The following MLXIPL variants were observed in gnomAD, a reference collection of about 807,000 sequenced individuals.
MLXIPL encodes the protein carbohydrate-responsive element-binding protein.
In MLXIPL, 49 loss-of-function variants were observed where a neutral mutation model predicts 81.5. The ratio of observed to expected loss-of-function variants is 0.60; its 90% CI spans 0.48 to 0.76. The LOEUF (loss-of-function observed/expected upper bound fraction) is 0.76, where lower values mean the gene tolerates loss of function less well. MLXIPL is among the 30% of genes least tolerant of loss of function. The pLI is 0.00. For synonymous variants in MLXIPL, 466 were observed against 485.5 expected, an observed-to-expected ratio of 0.96 and a Z score of 0.53; for missense variants, 1,053 against 1,167.0, an observed-to-expected ratio of 0.90 and a Z score of 1.42.
chr7:73,601,323 A>G (rs1794808473), intron 7 of MLXIPL, among the ~76,000 whole-genome samples: 4 of 151,646 alleles, frequency 2.6e-5, no homozygotes, highest in Admixed American at 2.0e-4. Context: ...TCAGCCTCCT[A>G]AAGTGCTGGG....
At chr7:73,614,808 C>CG (rs1563505241) in intron 2 of MLXIPL, among the ~76,000 whole-genome samples, 53 of 130,906 alleles carry the variant, frequency 4.0e-4, no homozygotes, top group South Asian at 1.8e-3. Flanking sequence ...TTTGTTTTGC[C>CG]CTTTTTTTTT....
At chr7:73,638,008 T>C in the MLXIPL span, among the ~76,000 whole-genome samples, 1 of 152,116 alleles carries the variant, frequency 6.6e-6, no homozygotes, top group African/African-American at 2.4e-5. Flanking sequence ...TCTTCCTACC[T>C]CTTTTCCTTT....
In MLXIPL at chr7:73,596,260, G is replaced by A. The variant is rs782419435; in HGVS notation, c.1951C>T (p.Arg651Cys). 18 of 1,613,326 alleles carry A rather than the reference G, an allele frequency of 1.1e-5. No individual in the cohort carries two copies. The highest frequency in any genetic ancestry group is 5.5e-5 in the South Asian group (5 of 91,034). The change falls in exon 13 of 17, where the codon CGT becomes TGT. Residue 651 changes from arginine to cysteine, a missense_variant. By Grantham distance (180) the Arg-to-Cys change is radical. Coordinates refer to ENST00000313375, the MANE Select transcript of MLXIPL (RefSeq NM_032951.3). This position sits in a 1 kb window ranked among gnomAD's most constrained non-coding sequence, Gnocchi z 4.7. ...TGCTCCGCGGAGATGTGTGTGATAC[G>A]CCGGTTCTCGGTCTCGGGGAGCAGA... The part of the protein sequence containing the change: ...RPDSNKTENR[R>C]ITHISAEQKR...
chr7:73,607,255 G>T, intron 4 of MLXIPL, 76 bp downstream of exon 4: 1 of 1,448,942 alleles, frequency 6.9e-7, no homozygotes, highest in South Asian at 1.2e-5. Flanking sequence ...CCCTTTCCAG[G>T]GATCTTCCGA....
intron 1 of MLXIPL, among the ~76,000 whole-genome samples, chr7:73,619,447 A>G (rs1158299880): frequency 1.0e-4 from 14 of 135,570 alleles, no homozygotes; most frequent in Admixed American, 9.6e-4. Context: ...GGCGACAGAG[A>G]GCGACTCCAT....
intron 5 of MLXIPL, 47 bp downstream of exon 5, chr7:73,606,927 G>A (rs1795325728): frequency 6.9e-6 from 11 of 1,600,676 alleles, no homozygotes; most frequent in Non-Finnish European, 9.4e-6. Flanking sequence ...CCATCTACTT[G>A]GGGGGCAAAG....
intron 2 of MLXIPL, 54 bp from the exon 3 acceptor site, chr7:73,607,726 C>A (rs1280521482): frequency 1.3e-6 from 2 of 1,509,886 alleles, no homozygotes; most frequent in Admixed American, 1.7e-5. Context: ...CCCCACCTCA[C>A]CCCAGGGGAC....
intron 7 of MLXIPL, among the ~76,000 whole-genome samples, chr7:73,603,522 G>A (rs1041513323): frequency 6.6e-6 from 1 of 152,190 alleles, no homozygotes; most frequent in Non-Finnish European, 1.5e-5. Context: ...GAACAGGGGT[G>A]GGGGTGGTTC....
chr7:73,597,130 C>T (rs1794393761), intron 9 of MLXIPL, 52 bp downstream of exon 9: 3 of 1,539,268 alleles, frequency 1.9e-6, no homozygotes, highest in Admixed American at 3.8e-5. Flanking sequence ...CTGTCCTCCC[C>T]ACCCCCTGGC....
chr7:73,605,558 T>C, intron 7 of MLXIPL, 130 bp downstream of exon 7: 1 of 812,498 alleles, frequency 1.2e-6, no homozygotes, highest in Non-Finnish European at 2.0e-6. Context: ...AATAAATAAA[T>C]AAATAAAAAG....
At chr7:73,606,403 TTTTG>T (rs1448511003) in intron 5 of MLXIPL, 21 of 503,780 alleles carry the variant, frequency 4.2e-5, no homozygotes, top group African/African-American at 7.9e-5. Flanking sequence ...TGGTTTTTTT[TTTTG>T]TTTGTTTTCT....
intron 7 of MLXIPL, 106 bp from the exon 8 acceptor site, chr7:73,599,801 G>C: frequency 9.0e-7 from 1 of 1,115,252 alleles, no homozygotes; most frequent in Non-Finnish European, 1.3e-6. Context: ...TGGGGACATG[G>C]GGACTGGCGG....
At chr7:73,640,220 C>T in the MLXIPL span, among the ~76,000 whole-genome samples, 1 of 150,698 alleles carries the variant, frequency 6.6e-6, no homozygotes, top group African/African-American at 2.4e-5. Context: ...GCCTGGGCAA[C>T]ATGGCGAAAC....
intron 8 of MLXIPL, 74 bp downstream of exon 8, chr7:73,599,452 C>G: frequency 1.3e-6 from 2 of 1,565,468 alleles, no homozygotes; most frequent in Non-Finnish European, 1.8e-6. Flanking sequence ...TGTCTGATAC[C>G]TCCTGGACAT....
intron 5 of MLXIPL, chr7:73,606,667 C>A: frequency 2.5e-6 from 1 of 395,620 alleles, no homozygotes; most frequent in Non-Finnish European, 4.8e-6. Context: ...CTCAGATGAC[C>A]CACCCGCCTC....
intron 7 of MLXIPL, among the ~76,000 whole-genome samples, chr7:73,603,165 G>A (rs1554596865): frequency 6.6e-6 from 1 of 152,098 alleles, no homozygotes; most frequent in Non-Finnish European, 1.5e-5. Flanking sequence ...CTCCCCAGTG[G>A]GAGGCTCTTG....
rs561301846 is a variant in MLXIPL at position 73,601,620 on chromosome 7, T to A, written c.902-1925A>T. Among the ~76,000 whole-genome samples the A allele has an allele frequency of 6.6e-5, 10 of 152,054 alleles. 1 individual carries two copies. Among genetic ancestry groups the A allele is most frequent in the Non-Finnish European group, 1.5e-4 (10 of 67,996 alleles). On this transcript the variant is annotated intron_variant, in intron 7 of 16. Transcript: ENST00000313375. ...ATCTCGGCTCACTGCAACCTCCACC[T>A]CCTGGGTTCAAACGATTCTCATGCC...
At chr7:73,611,327 G>A (rs1795675795) in intron 2 of MLXIPL, 1 of 152,186 alleles carries the variant, frequency 6.6e-6, no homozygotes, top group Non-Finnish European at 1.5e-5. Context: ...CACAGAGCTT[G>A]ACACACAGCT....
the MLXIPL span, among the ~76,000 whole-genome samples, chr7:73,637,707 G>C: frequency 6.6e-6 from 1 of 152,134 alleles, no homozygotes; most frequent in East Asian, 1.9e-4. Flanking sequence ...ACCCACAGCT[G>C]TTCCCCATCA....
Sources: allele counts gnomAD v4.1 joint callset (sites outside exome capture counted in the v4.1 genomes callset), GRCh38; gene constraint gnomAD v4.1.1; non-coding constraint Gnocchi (gnomAD v3.1); transcripts MANE v1.5; gene names NCBI Gene and HGNC (gene_info 2026-07-23, HGNC 2026-07-21).